Variants in COBLL1 observed in about 807,000 individuals in gnomAD.
The protein encoded by COBLL1 is cordon-bleu protein-like 1.
COBLL1 carries 50 observed loss-of-function variants against 94.8 expected under a neutral mutation model. The ratio of observed to expected loss-of-function variants is 0.53; its 90% confidence interval spans 0.42 to 0.67. The LOEUF (loss-of-function observed/expected upper bound fraction) is 0.67. COBLL1 is among the 30% of genes least tolerant of loss of function. COBLL1 has a pLI of 0.00. For synonymous variants in COBLL1, 448 were observed against 473.8 expected (o/e 0.95, Z 0.71); for missense variants, 1,362 against 1,348.7 (o/e 1.01, Z -0.15).
chr2:164,687,387 A>G (rs1175334073), intron 13 of COBLL1: 1 of 805,004 alleles, frequency 1.2e-6, no homozygotes, highest in South Asian at 1.4e-5. Context: ...CTTCAAATTC[A>G]TCGACATTGA....
chr2:164,703,243 A>G (rs943063236), intron 9 of COBLL1: 18 of 1,523,262 alleles, frequency 1.2e-5, no homozygotes, highest in Non-Finnish European at 1.6e-5. Flanking sequence ...TAGAATCTGT[A>G]GAAATGGCAC....
chr2:164,818,571 C>T (rs1265317832), intron 2 of COBLL1, among the ~76,000 whole-genome samples: 2 of 145,684 alleles, frequency 1.4e-5, no homozygotes, highest in South Asian at 2.1e-4. Flanking sequence ...ACATATATAG[C>T]ATATATGTAC....
chr2:164,694,591 G>A lies in COBLL1; in HGVS notation c.2801C>T (p.Thr934Ile), dbSNP rs376993750. ...AGCCTGACCGATGACATCATCATCA[G>A]TTTTTTCAACAAGGGGTTGTGGAAC... ...HSVPQPLVEK[T>I]DDDVIGQAPA... Residue 934 changes from threonine to isoleucine, a missense_variant, in exon 12 of 14, where the codon ACT becomes ATT. By Grantham distance (89) the Thr-to-Ile change is moderately conservative (BLOSUM62 -1). Transcript: ENST00000652658. 3.4e-5 allele frequency: 55 copies of A among 1,613,780 alleles called. No individual in the cohort carries two copies. The highest frequency in any genetic ancestry group is 4.6e-5 in the Non-Finnish European group (54 of 1,179,950).
At chr2:164,763,815 G>T (rs1020874839) in intron 2 of COBLL1, among the ~76,000 whole-genome samples, 2 of 152,202 alleles carry the variant, frequency 1.3e-5, no homozygotes, top group African/African-American at 4.8e-5. Flanking sequence ...TGGGAGAAAA[G>T]GAATAGGGAT....
chr2:164,740,934 T>A (rs567404777), intron 3 of COBLL1, among the ~76,000 whole-genome samples: 1 of 152,126 alleles, frequency 6.6e-6, no homozygotes, highest in East Asian at 1.9e-4. Flanking sequence ...AATAGAGTAT[T>A]TGTAGAAGAA....
chr2:164,730,020 T>G lies in COBLL1; in HGVS notation c.326A>C (p.His109Pro). The G allele has an allele frequency of 6.2e-7, 1 of 1,614,088 alleles. No homozygotes were observed. Among genetic ancestry groups the G allele is most frequent in the Non-Finnish European group, 8.5e-7 (1 of 1,179,966 alleles). ...TIDLLSAEQNHIKFKPNTPIG... is the reference protein window; with the variant it reads ...TIDLLSAEQNPIKFKPNTPIG... ...TGGTGTGTTTGGCTTAAATTTAATG[T>G]GGTTCTGTTCAGCTGACAACAGATC... is the stretch of plus-strand genomic sequence containing the variant. The change falls in exon 4 of 14, where the codon CAC (histidine) becomes CCC (proline). Residue 109 changes from histidine (H) to proline (P), a missense_variant. His to Pro is a moderately conservative substitution (Grantham distance 77). Transcript: ENST00000652658.
intron 12 of COBLL1, among the ~76,000 whole-genome samples, chr2:164,694,009 G>C (rs918992865): frequency 1.3e-5 from 2 of 152,092 alleles, no homozygotes; most frequent in African/African-American, 4.8e-5. Context: ...ATACAAATGA[G>C]CAAAGAAACT....
At chr2:164,777,690 G>C (rs1230600761) in intron 2 of COBLL1, among the ~76,000 whole-genome samples, 1 of 152,156 alleles carries the variant, frequency 6.6e-6, no homozygotes, top group Non-Finnish European at 1.5e-5. Flanking sequence ...CTTTTAAAGA[G>C]TGTAAAACAA....
At chr2:164,799,738 A>G (rs1244125297) in intron 2 of COBLL1, among the ~76,000 whole-genome samples, 1 of 152,264 alleles carries the variant, frequency 6.6e-6, no homozygotes, top group Non-Finnish European at 1.5e-5. Flanking sequence ...TGTGGTATTG[A>G]CAAGTAGACA....
chr2:164,823,659 T>C (rs949875090), intron 2 of COBLL1, among the ~76,000 whole-genome samples: 1 of 152,162 alleles, frequency 6.6e-6, no homozygotes, highest in Non-Finnish European at 1.5e-5. Flanking sequence ...ATAGATGACT[T>C]CTCGTTTTTT....
Position 164,728,104 on chromosome 2 carries a change from T to C in COBLL1, c.526A>G (p.Ile176Val), listed in dbSNP as rs149113327. Reference sequence around the variant, plus strand: ...GGATCAAACTCACATTTGCTACATATAATAGGGGCAAGCTCTTGAAGCGAT... The same window carrying C: ...GGATCAAACTCACATTTGCTACATACAATAGGGGCAAGCTCTTGAAGCGAT... ...HASLQELAPI[I>V]CSKCEFDPLH... Residue 176 changes from isoleucine to valine, a missense_variant, in exon 5 of 14, where the codon ATA becomes GTA. Physicochemically the swap from Ile to Val is conservative, Grantham distance 29. Coordinates refer to ENST00000652658, the MANE Select transcript of COBLL1 (RefSeq NM_001365672.2). The C allele has an allele frequency of 6.3e-4, 1,022 of 1,613,608 alleles. 1 individual carries two copies. Among genetic ancestry groups the C allele is most frequent in the Non-Finnish European group, 8.2e-4 (963 of 1,179,680 alleles).
At chr2:164,687,939 C>T (rs781232056) in intron 13 of COBLL1, among the ~76,000 whole-genome samples, 3 of 152,266 alleles carry the variant, frequency 2.0e-5, no homozygotes, top group East Asian at 1.9e-4. Context: ...AATGTCTCCA[C>T]GTAAAATATG....
intron 2 of COBLL1, among the ~76,000 whole-genome samples, chr2:164,790,435 T>G (rs1295226253): frequency 6.6e-6 from 1 of 152,196 alleles, no homozygotes; most frequent in Non-Finnish European, 1.5e-5. Context: ...AGCTCACATT[T>G]ATTTTAATGT....
At chr2:164,749,665 T>C (rs1687031463) in intron 2 of COBLL1, among the ~76,000 whole-genome samples, 1 of 152,146 alleles carries the variant, frequency 6.6e-6, no homozygotes, top group Non-Finnish European at 1.5e-5. Flanking sequence ...AGAATACAAT[T>C]AAAAACAATA....
chr2:164,808,017 A>C (rs1684271931), intron 2 of COBLL1, among the ~76,000 whole-genome samples: 1 of 151,980 alleles, frequency 6.6e-6, no homozygotes, highest in South Asian at 2.1e-4. Context: ...TTGGGGTTTC[A>C]CCATGTTCAC....
chr2:164,818,445 ATATT>A (rs2105355095), intron 2 of COBLL1, among the ~76,000 whole-genome samples: 1 of 149,378 alleles, frequency 6.7e-6, no homozygotes, highest in South Asian at 2.2e-4. Context: ...ACATATACAC[ATATT>A]TACATTGTAT....
chr2:164,785,114 G>A (rs1169441527), intron 2 of COBLL1, among the ~76,000 whole-genome samples: 3 of 152,116 alleles, frequency 2.0e-5, no homozygotes, highest in African/African-American at 7.2e-5. Flanking sequence ...GAACTTCCCA[G>A]CCTCCAGAAC....
chr2:164,833,869 T>C (rs186518701), intron 2 of COBLL1, among the ~76,000 whole-genome samples: 134 of 152,308 alleles, frequency 8.8e-4, no homozygotes, highest in Middle Eastern at 3.4e-3. Context: ...TGAACTTAAA[T>C]TAAATGAAAT....
chr2:164,827,323 G>A (rs975655804), intron 2 of COBLL1, among the ~76,000 whole-genome samples: 2 of 152,154 alleles, frequency 1.3e-5, no homozygotes, highest in African/African-American at 4.8e-5. Context: ...GTAAAATGTC[G>A]ATTTGTTGCC....
Sources: gnomAD v4.1 joint callset for allele counts (sites outside exome capture counted in the v4.1 genomes callset) on GRCh38, gnomAD v4.1.1 for gene constraint, MANE v1.5 for transcripts, NCBI Gene and HGNC (gene_info 2026-07-23, HGNC 2026-07-21) for gene names.